SLC35F3: variants seen among roughly 807,000 people sequenced by gnomAD.
The protein encoded by SLC35F3 is solute carrier family 35 member F3.
SLC35F3 carries 25 observed loss-of-function variants against 49.9 expected under a neutral mutation model. The observed-to-expected ratio is 0.50, with a 90% CI of 0.37 to 0.70. The LOEUF is 0.70. SLC35F3 is among the 30% of genes least tolerant of loss of function. The pLI, the probability that SLC35F3 is intolerant of heterozygous loss-of-function variation, is 0.00. For synonymous variants in SLC35F3, 275 were observed against 265.4 expected (o/e 1.04, Z -0.35); for missense variants, 525 against 639.8 (o/e 0.82, Z 1.94).
At chr1:234,199,498 A>C (rs1023107381) in intron 2 of SLC35F3, among the ~76,000 whole-genome samples, 4 of 152,206 alleles carry the variant, frequency 2.6e-5, no homozygotes, top group African/African-American at 4.8e-5. Context: ...ATCAACTCAA[A>C]GTAGATTAAA....
intron 2 of SLC35F3, among the ~76,000 whole-genome samples, chr1:234,159,844 A>T (rs530574829): frequency 6.6e-6 from 1 of 152,168 alleles, no homozygotes; most frequent in African/African-American, 2.4e-5. Flanking sequence ...ATCACTACAC[A>T]ATCATGGCAG....
intron 2 of SLC35F3, among the ~76,000 whole-genome samples, chr1:233,920,627 G>A (rs1448249919): frequency 2.6e-5 from 4 of 152,222 alleles, no homozygotes; most frequent in African/African-American, 7.2e-5. Flanking sequence ...CGTGGGACCT[G>A]TGACTAACTT....
chr1:233,906,632 A>G (rs1230464192), intron 2 of SLC35F3, among the ~76,000 whole-genome samples: 1 of 152,176 alleles, frequency 6.6e-6, no homozygotes, highest in Non-Finnish European at 1.5e-5. Context: ...TTCATTTGTA[A>G]TAAAGACTAG....
chr1:234,104,240 A>G (rs1665251546), intron 2 of SLC35F3, among the ~76,000 whole-genome samples: 1 of 152,254 alleles, frequency 6.6e-6, no homozygotes, highest in Admixed American at 6.5e-5. Context: ...GTCACCTACA[A>G]TAACTTGGAA....
At chr1:234,095,983 A>T (rs1002555665) in intron 2 of SLC35F3, among the ~76,000 whole-genome samples, 6 of 152,228 alleles carry the variant, frequency 3.9e-5, no homozygotes, top group Admixed American at 1.3e-4. Flanking sequence ...ATCCTGAAAT[A>T]GGTGAGAGAT....
rs1668700057 is a variant in SLC35F3 at position 234,302,003 on chromosome 1, C to T, written c.609-7098C>T. Among the ~76,000 whole-genome samples, 3 of 152,004 alleles carry T rather than the reference C, an allele frequency of 2.0e-5. No individual in the cohort carries two copies. In the South Asian group the frequency reaches 6.2e-4, roughly 32 times the overall value. ...GATTTGAACATTGAGAACATGTGGACACAGAGAGGGGAACAACACACACCA... is the reference window on the plus strand; with the variant it reads ...GATTTGAACATTGAGAACATGTGGATACAGAGAGGGGAACAACACACACCA... On this transcript the variant is annotated intron_variant, in intron 3 of 7. Transcript: ENST00000366618.
At chr1:233,932,466 C>T (rs939867683) in intron 2 of SLC35F3, among the ~76,000 whole-genome samples, 4 of 151,950 alleles carry the variant, frequency 2.6e-5, no homozygotes, top group African/African-American at 4.8e-5. Context: ...GATAATGATC[C>T]GACGAGTGGA....
intron 3 of SLC35F3, among the ~76,000 whole-genome samples, chr1:234,293,775 A>G (rs1668547284): frequency 6.6e-6 from 1 of 152,232 alleles, no homozygotes; most frequent in South Asian, 2.1e-4. Context: ...TGTTATCCAA[A>G]AAGGCACATT....
rs1657706279 is a variant in SLC35F3 at position 234,324,470 on chromosome 1, A to T, written c.*1227A>T. 1.3e-5 allele frequency: 2 copies of T among 152,132 alleles called. No individual in the cohort carries two copies. Among genetic ancestry groups the T allele is most frequent in the Non-Finnish European group, 2.9e-5 (2 of 68,034 alleles). The allele number at this position is 152,132 out of a possible 1,614,324, so 9.4% of individuals were successfully genotyped here. A position where few individuals can be genotyped will look rare whatever the true frequency, so the allele number is the denominator to read the frequency against. On this transcript the variant is annotated 3_prime_UTR_variant, in exon 8 of 8. Coordinates refer to ENST00000366618, the MANE Select transcript of SLC35F3 (RefSeq NM_173508.4). ...CAAATTATTATTCTCAGTTTCCATT[A>T]CCTGTTTGGCCAAACAGATTAATAA...
intron 2 of SLC35F3, among the ~76,000 whole-genome samples, chr1:234,006,862 A>G (rs534973076): frequency 2.5e-4 from 38 of 152,266 alleles, no homozygotes; most frequent in Non-Finnish European, 2.9e-4. Context: ...TCACTTGTAT[A>G]TTAAGTTCAT....
intron 2 of SLC35F3, among the ~76,000 whole-genome samples, chr1:234,034,160 C>T (rs552022598): frequency 2.6e-5 from 4 of 152,140 alleles, no homozygotes; most frequent in Non-Finnish European, 4.4e-5. Flanking sequence ...TCAGCTTGGT[C>T]GCTGTTGATG....
At chr1:234,177,503 T>A (rs1420669804) in intron 2 of SLC35F3, among the ~76,000 whole-genome samples, 1 of 152,142 alleles carries the variant, frequency 6.6e-6, no homozygotes, top group Non-Finnish European at 1.5e-5. Context: ...AGCCTAGGGG[T>A]TCATGGACAG....
At chr1:233,907,218 C>T (rs940788554) in intron 2 of SLC35F3, among the ~76,000 whole-genome samples, 1 of 152,218 alleles carries the variant, frequency 6.6e-6, no homozygotes, top group Non-Finnish European at 1.5e-5. Flanking sequence ...GTATAAATGA[C>T]AGCCTTCATA....
intron 3 of SLC35F3, among the ~76,000 whole-genome samples, chr1:234,265,678 C>T (rs552948405): frequency 6.6e-6 from 1 of 152,274 alleles, no homozygotes; most frequent in East Asian, 1.9e-4. Context: ...TCCTTACCTC[C>T]CTGCAGTCTG....
intron 2 of SLC35F3, among the ~76,000 whole-genome samples, chr1:233,949,379 C>G (rs894185937): frequency 1.3e-5 from 2 of 152,126 alleles, no homozygotes; most frequent in African/African-American, 4.8e-5. Flanking sequence ...CTTTAAACAT[C>G]GTGATGTTCA....
chr1:234,179,922 G>A (rs957487176), intron 2 of SLC35F3, among the ~76,000 whole-genome samples: 5 of 152,270 alleles, frequency 3.3e-5, no homozygotes, highest in South Asian at 2.1e-4. Context: ...CCTTTCCCCC[G>A]ACTCTATCCT....
chr1:234,089,321 T>G (rs1419414050), intron 2 of SLC35F3, among the ~76,000 whole-genome samples: 2 of 152,182 alleles, frequency 1.3e-5, no homozygotes, highest in African/African-American at 4.8e-5. Flanking sequence ...TAGAACTCAC[T>G]GTGGAAGGAC....
At chr1:234,294,573 T>C (rs1182692375) in intron 3 of SLC35F3, among the ~76,000 whole-genome samples, 1 of 152,212 alleles carries the variant, frequency 6.6e-6, no homozygotes, top group African/African-American at 2.4e-5. Flanking sequence ...AGCTCTGACG[T>C]CCCTGCCAAC....
chr1:233,938,677 GAT>G (rs1662372508), intron 2 of SLC35F3, among the ~76,000 whole-genome samples: 3 of 1,234 alleles, frequency 2.4e-3, no homozygotes, highest in Non-Finnish European at 3.5e-3. Flanking sequence ...TTGGTGGGTG[GAT>G]GGATGGATGG....
Sources: gnomAD v4.1 joint callset for allele counts (sites outside exome capture counted in the v4.1 genomes callset) on GRCh38, gnomAD v4.1.1 for gene constraint, MANE v1.5 for transcripts, NCBI Gene and HGNC (gene_info 2026-07-23, HGNC 2026-07-21) for gene names.